The following ZFHX3 variants were observed in gnomAD, a reference collection of about 807,000 sequenced individuals.
ZFHX3 encodes zinc finger homeobox protein 3.
A neutral mutation model predicts 279.1 loss-of-function variants in ZFHX3; 42 were observed. The observed-to-expected ratio is 0.15, with a 90% CI of 0.12 to 0.19. The LOEUF is 0.19. Ranked by LOEUF, ZFHX3 falls within the 10% of genes least tolerant of loss-of-function variation. The probability of loss-of-function intolerance (pLI) is 1.00; values close to 1 mark genes in which losing one functional copy is unlikely to be tolerated. For synonymous variants in ZFHX3, 2,293 were observed against 1,957.8 expected (o/e 1.17, Z -4.52); for missense variants, 4,981 against 4,754.0 (o/e 1.05, Z -1.40).
chr16:73,433,756 G>C (rs1048204755), intron 3 of ZFHX3, among the ~76,000 whole-genome samples: 2 of 152,212 alleles, frequency 1.3e-5, no homozygotes, highest in South Asian at 2.1e-4. Context: ...AAGGGCCTGG[G>C]GAGTGAGCCT....
chr16:73,642,066 G>T (rs1490282491), intron 2 of ZFHX3, among the ~76,000 whole-genome samples: 1 of 152,096 alleles, frequency 6.6e-6, no homozygotes, highest in Non-Finnish European at 1.5e-5. Context: ...CTTTAAGGCA[G>T]CTGCTTAAAG....
intron 2 of ZFHX3, among the ~76,000 whole-genome samples, chr16:73,565,664 T>G (rs754427088): frequency 1.1e-4 from 17 of 152,240 alleles, no homozygotes; most frequent in Non-Finnish European, 1.9e-4. Flanking sequence ...TTGTCCAAGA[T>G]AACTCAGCCC....
intron 2 of ZFHX3, among the ~76,000 whole-genome samples, chr16:73,483,979 T>C (rs1400476921): frequency 6.8e-6 from 1 of 147,180 alleles, no homozygotes; most frequent in African/African-American, 2.5e-5. Context: ...TTAATACCTC[T>C]CCATTTAGTA....
intron 5 of ZFHX3, among the ~76,000 whole-genome samples, chr16:73,215,810 G>A (rs1358864620): frequency 4.6e-5 from 7 of 152,092 alleles, no homozygotes; most frequent in Non-Finnish European, 2.9e-5. Flanking sequence ...TCATTGTGTT[G>A]GTCTGTTGCT....
At chr16:73,812,492 G>C (rs1246347989) in intron 1 of ZFHX3, 1 of 152,144 alleles carries the variant, frequency 6.6e-6, no homozygotes, top group African/African-American at 2.4e-5. Context: ...AGACACGTTT[G>C]TTTGGGCAGT....
In ZFHX3 at chr16:73,013,063, A is replaced by G. The variant is rs371941326; in HGVS notation, c.-50+34689T>C. 9.7e-4 allele frequency among the ~76,000 whole-genome samples: 148 copies of G among 152,316 alleles called. 1 individual carries two copies. The highest frequency in any genetic ancestry group is 1.7e-3 in the Non-Finnish European group (116 of 68,034). ...AACTGGACATTTCATCTGGGCGCTCAGGAGGTACAGACCTACCAATCACGG... is the reference window on the plus strand; with the variant it reads ...AACTGGACATTTCATCTGGGCGCTCGGGAGGTACAGACCTACCAATCACGG... On this transcript the variant is annotated intron_variant, in intron 1 of 9. Transcript: ENST00000268489.
At chr16:72,904,732 C>T (rs1282566622) in intron 3 of ZFHX3, among the ~76,000 whole-genome samples, 1 of 152,108 alleles carries the variant, frequency 6.6e-6, no homozygotes, top group Non-Finnish European at 1.5e-5. Flanking sequence ...GCCTGGAAGG[C>T]TTTATGCATT....
intron 3 of ZFHX3, among the ~76,000 whole-genome samples, chr16:73,434,798 A>G (rs2017969167): frequency 6.6e-6 from 1 of 152,096 alleles, no homozygotes; most frequent in East Asian, 1.9e-4. Context: ...ACAGTCCTCT[A>G]AGTGGGTCTG....
At chr16:72,920,906 T>C (rs1478109947) in intron 3 of ZFHX3, among the ~76,000 whole-genome samples, 1 of 151,398 alleles carries the variant, frequency 6.6e-6, no homozygotes, top group Non-Finnish European at 1.5e-5. Context: ...CCCCCATATC[T>C]ACAAAAAATA....
At chr16:73,510,097 C>T (rs1028747165) in intron 2 of ZFHX3, among the ~76,000 whole-genome samples, 2 of 152,136 alleles carry the variant, frequency 1.3e-5, no homozygotes, top group Admixed American at 6.5e-5. Context: ...GTGTGGTTGG[C>T]TCCTTCTCGT....
intron 3 of ZFHX3, among the ~76,000 whole-genome samples, chr16:73,423,970 T>C (rs7198900): frequency 0.17 from 25,171 of 151,986 alleles, 2,430 homozygotes; most frequent in Middle Eastern, 0.28. Context: ...ATATTACCAT[T>C]CAAAGGGGAC....
intron 2 of ZFHX3, among the ~76,000 whole-genome samples, chr16:73,657,031 C>G (rs774855165): frequency 6.6e-6 from 1 of 152,168 alleles, no homozygotes; most frequent in Non-Finnish European, 1.5e-5. Flanking sequence ...ACAAGTTTTC[C>G]TTTTTAAAAG....
chr16:73,311,589 C>CAAAA (rs1156241061), intron 4 of ZFHX3, among the ~76,000 whole-genome samples: 9 of 27,932 alleles, frequency 3.2e-4, no homozygotes, highest in South Asian at 1.3e-3. Flanking sequence ...TACTCCATCT[C>CAAAA]AAAAAAAAAA....
intron 2 of ZFHX3, among the ~76,000 whole-genome samples, chr16:73,587,283 G>T (rs1437697643): frequency 1.3e-5 from 2 of 152,146 alleles, no homozygotes; most frequent in East Asian, 3.8e-4. Context: ...TATACCAGCA[G>T]ATAAGAGACT....
intron 7 of ZFHX3, among the ~76,000 whole-genome samples, chr16:73,120,258 T>G (rs1347859177): frequency 6.6e-6 from 1 of 152,068 alleles, no homozygotes; most frequent in East Asian, 1.9e-4. Context: ...ACTATTTTTG[T>G]TGTTGTTGTT....
rs762134796 is a variant in ZFHX3, at chr16:73,780,111, A to ATTTTTTTTTTT, written c.-1607-99882_-1607-99872dup. ...AACCAGCAAAACTCACTGCATTTGA[A>ATTTTTTTTTTT]TTTTTTTTTTTTTTTTTTTTTTTTT... is the stretch of plus-strand genomic sequence containing the variant. On this transcript the variant is annotated intron_variant, in intron 1 of 17. Transcript: ENST00000641206. Among the ~76,000 whole-genome samples the ATTTTTTTTTTT allele has an allele frequency of 7.8e-4, 26 of 33,212 alleles. 13 individuals are homozygous for ATTTTTTTTTTT. The highest frequency in any genetic ancestry group is 1.8e-3 in the Non-Finnish European group (24 of 13,572). The allele number at this position is 33,212 out of a possible 152,430, so 21.8% of individuals were successfully genotyped here. A position where few individuals can be genotyped will look rare whatever the true frequency, so the allele number is the denominator to read the frequency against.
At chr16:73,157,809 C>T (rs1029067713) in intron 5 of ZFHX3, among the ~76,000 whole-genome samples, 7 of 152,028 alleles carry the variant, frequency 4.6e-5, no homozygotes, top group Non-Finnish European at 4.4e-5. Flanking sequence ...TGTGGGCTGC[C>T]ATGGACGCCA....
At chr16:73,469,606 C>T (rs2018628323) in intron 2 of ZFHX3, among the ~76,000 whole-genome samples, 1 of 151,358 alleles carries the variant, frequency 6.6e-6, no homozygotes, top group South Asian at 2.1e-4. Flanking sequence ...TACCTAGTCC[C>T]AACCTCCAAT....
chr16:73,380,507 C>A (rs2016802255), intron 3 of ZFHX3, among the ~76,000 whole-genome samples: 1 of 151,964 alleles, frequency 6.6e-6, no homozygotes. Flanking sequence ...TATCTGAATA[C>A]CTAGAAAGCC....
Sources: gnomAD v4.1 joint callset for allele counts (sites outside exome capture counted in the v4.1 genomes callset) on GRCh38, gnomAD v4.1.1 for gene constraint, MANE v1.5 for transcripts, NCBI Gene and HGNC (gene_info 2026-07-23, HGNC 2026-07-21) for gene names.